The following PLA2G12B variants were observed in gnomAD, a reference collection of about 807,000 sequenced individuals.
PLA2G12B encodes the protein group XIIB secretory phospholipase A2-like protein.
A neutral mutation model predicts 22.3 loss-of-function variants in PLA2G12B; 19 were observed. The observed-to-expected ratio is 0.85, with a 90% CI of 0.60 to 1.25. The LOEUF is 1.25. PLA2G12B is among the 50% of genes most tolerant of loss of function. PLA2G12B has a pLI of 0.00. For missense variants in PLA2G12B, 191 were observed against 246.6 expected (o/e 0.77, Z 1.51); for synonymous variants, 81 against 94.9 (o/e 0.85, Z 0.85).
At chr10:72,945,172 AATG>A (rs1480580546) in intron 1 of PLA2G12B, among the ~76,000 whole-genome samples, 1 of 152,188 alleles carries the variant, frequency 6.6e-6, no homozygotes, top group African/African-American at 2.4e-5. Flanking sequence ...GATGACTTCC[AATG>A]ATCCCCACCT....
intron 1 of PLA2G12B, among the ~76,000 whole-genome samples, chr10:72,948,855 G>A (rs1342229974): frequency 6.6e-6 from 1 of 152,206 alleles, no homozygotes. Flanking sequence ...TACCATAAAA[G>A]TCTTAAAAGA....
intron 1 of PLA2G12B, among the ~76,000 whole-genome samples, chr10:72,945,049 G>A (rs1449845293): frequency 2.0e-5 from 3 of 152,132 alleles, no homozygotes; most frequent in Non-Finnish European, 4.4e-5. Context: ...TGGAAGGAGG[G>A]GCTTTATACT....
At position 72,934,862 on chromosome 10, in the gene PLA2G12B, C is replaced by A. The variant is rs1039007172; in HGVS notation, c.*755G>T. On this transcript the variant is annotated 3_prime_UTR_variant, in exon 4 of 4. Coordinates refer to ENST00000373032, the MANE Select transcript of PLA2G12B (RefSeq NM_032562.5). ...CTCCCGACAGGCTGCAGGGACTTTT[C>A]CTAGCTAGCTCCATCAGTAACTCTT... is the stretch of plus-strand genomic sequence containing the variant. Among the ~76,000 whole-genome samples the A allele has an allele frequency of 2.6e-5, 4 of 152,202 alleles. No homozygotes were observed. The highest frequency in any genetic ancestry group is 5.9e-5 in the Non-Finnish European group (4 of 68,032).
intron 2 of PLA2G12B, 66 bp downstream of exon 2, chr10:72,942,586 G>A: frequency 7.9e-7 from 1 of 1,273,570 alleles, no homozygotes; most frequent in Non-Finnish European, 1.1e-6. Context: ...CTTCCATCAA[G>A]GATAACTCTA....
At chr10:72,948,820 T>G (rs1846482308) in intron 1 of PLA2G12B, among the ~76,000 whole-genome samples, 1 of 152,202 alleles carries the variant, frequency 6.6e-6, no homozygotes, top group South Asian at 2.1e-4. Flanking sequence ...CTTATAAAAC[T>G]TAAAAGCTTC....
At chr10:72,937,007 C>G (rs1846288603) in intron 3 of PLA2G12B, among the ~76,000 whole-genome samples, 1 of 152,148 alleles carries the variant, frequency 6.6e-6, no homozygotes, top group Non-Finnish European at 1.5e-5. Flanking sequence ...TCCTGGCTAA[C>G]AAGACCATCC....
chr10:72,937,595 A>T (rs1350310892), intron 3 of PLA2G12B, among the ~76,000 whole-genome samples: 1 of 152,220 alleles, frequency 6.6e-6, no homozygotes, highest in African/African-American at 2.4e-5. Flanking sequence ...CAAAAATAAC[A>T]ATCTATAGAC....
intron 3 of PLA2G12B, among the ~76,000 whole-genome samples, chr10:72,937,986 C>A (rs1257626756): frequency 1.3e-5 from 2 of 151,730 alleles, no homozygotes; most frequent in Admixed American, 1.3e-4. Flanking sequence ...TGGTGGTGGG[C>A]ACCTGTAATC....
chr10:72,949,737 G>C (rs1269759487), intron 1 of PLA2G12B, among the ~76,000 whole-genome samples: 18 of 152,146 alleles, frequency 1.2e-4, no homozygotes. Flanking sequence ...CAGCACTTTA[G>C]GAGGCCCAGC....
chr10:72,950,253 C>T (rs1485676337), intron 1 of PLA2G12B, among the ~76,000 whole-genome samples: 1 of 152,124 alleles, frequency 6.6e-6, no homozygotes, highest in Non-Finnish European at 1.5e-5. Flanking sequence ...TCCTTGAGTC[C>T]CCAGCAGACT....
intron 1 of PLA2G12B, among the ~76,000 whole-genome samples, chr10:72,953,101 G>C (rs534923857): frequency 2.0e-5 from 3 of 152,318 alleles, no homozygotes; most frequent in Non-Finnish European, 4.4e-5. Context: ...AGGCCTCTGC[G>C]TTGGTCCAAC....
At chr10:72,950,152 T>C (rs375418252) in intron 1 of PLA2G12B, among the ~76,000 whole-genome samples, 1 of 152,222 alleles carries the variant, frequency 6.6e-6, no homozygotes, top group Non-Finnish European at 1.5e-5. Context: ...AGTTACTGCA[T>C]AAAGTAGGGT....
Position 72,934,826 on chromosome 10 carries a change from C to T in PLA2G12B, c.*791G>A, listed in dbSNP as rs192397179. ...AGACCCGCAAGTTAGGGAATGGCCA[C>T]TTGTCTCTCACTCCCGACAGGCTGC... On this transcript the variant is annotated 3_prime_UTR_variant, in exon 4 of 4. Coordinates refer to ENST00000373032, the MANE Select transcript of PLA2G12B (RefSeq NM_032562.5). Among the ~76,000 whole-genome samples, 7 of 152,320 alleles carry T rather than the reference C, an allele frequency of 4.6e-5. No homozygotes were observed. Among genetic ancestry groups the T allele is most frequent in the African/African-American group, 1.7e-4 (7 of 41,570 alleles).
Position 72,942,874 on chromosome 10 carries a change from A to G in PLA2G12B, c.212-134T>C, listed in dbSNP as rs568729663. On this transcript the variant is annotated intron_variant, in intron 1 of 3. Transcript: ENST00000373032. ...AAAAGTCACTGTTCCTCACATCCAA[A>G]TCAGGTGATGATGATGATGATGATG... The G allele has an allele frequency of 1.1e-3, 771 of 694,192 alleles. 13 individuals carry two copies. The South Asian group carries it at 0.012, about 11-fold the overall frequency. The allele number at this position is 694,192 out of a possible 1,614,324, so 43.0% of individuals were successfully genotyped here. A position where few individuals can be genotyped will look rare whatever the true frequency, so the allele number is the denominator to read the frequency against.
At chr10:72,948,504 G>T (rs1846477891) in intron 1 of PLA2G12B, among the ~76,000 whole-genome samples, 1 of 152,152 alleles carries the variant, frequency 6.6e-6, no homozygotes, top group Admixed American at 6.5e-5. Flanking sequence ...TCAAATTATT[G>T]TTTCAGTAGC....
chr10:72,941,194 A>G lies in PLA2G12B; in HGVS notation c.441T>C (p.Ser147=), dbSNP rs1284183185. The change falls in exon 3 of 4, where the codon AGT becomes AGC. Residue 147 remains serine, a synonymous_variant. Transcript: ENST00000373032. ...LHSICSDLKR[S]LGFVSKVEAA... ...CTTCCACTTTGGAGACAAAGCCCAG[A>G]CTCCGCTTAAGGTCAGAGCAGATCG... The G allele has an allele frequency of 1.9e-6, 3 of 1,612,922 alleles. No homozygotes were observed. Among genetic ancestry groups the G allele is most frequent in the Non-Finnish European group, 8.5e-7 (1 of 1,179,718 alleles).
intron 1 of PLA2G12B, among the ~76,000 whole-genome samples, chr10:72,951,807 G>A (rs956135329): frequency 2.6e-5 from 4 of 152,116 alleles, no homozygotes; most frequent in African/African-American, 4.8e-5. Context: ...ATTGACACAC[G>A]CTGGATCTTG....
intron 3 of PLA2G12B, among the ~76,000 whole-genome samples, chr10:72,937,652 G>A (rs1777009427): frequency 6.6e-6 from 1 of 152,056 alleles, no homozygotes; most frequent in African/African-American, 2.4e-5. Context: ...CAAAATAGTA[G>A]TAAACTGAAT....
intron 2 of PLA2G12B, among the ~76,000 whole-genome samples, chr10:72,942,149 GGTGT>G (rs34740594): frequency 0.073 from 9,984 of 135,898 alleles, 344 homozygotes; most frequent in African/African-American, 0.074. Context: ...CAGGGCGTCG[GGTGT>G]GTGTGTGTGT....
Sources: gnomAD v4.1 joint callset for allele counts (sites outside exome capture counted in the v4.1 genomes callset) on GRCh38, gnomAD v4.1.1 for gene constraint, MANE v1.5 for transcripts, NCBI Gene and HGNC (gene_info 2026-07-23, HGNC 2026-07-21) for gene names.